The following FSTL5 variants were observed in gnomAD, a reference collection of about 807,000 sequenced individuals.
FSTL5 encodes follistatin-related protein 5.
Under a neutral mutation model 89.1 loss-of-function variants are expected in FSTL5, and 62 were observed. The ratio of observed to expected loss-of-function variants is 0.70; its 90% CI spans 0.57 to 0.86. The LOEUF is 0.86. Ranked by LOEUF, FSTL5 falls within the 40% of genes least tolerant of loss-of-function variation. The pLI, the probability that FSTL5 is intolerant of heterozygous loss-of-function variation, is 0.00. For missense variants in FSTL5, 1,057 were observed against 1,001.6 expected (o/e 1.06, Z -0.75); for synonymous variants, 383 against 346.2 (o/e 1.11, Z -1.18).
intron 4 of FSTL5, among the ~76,000 whole-genome samples, chr4:161,909,772 G>T (rs1733638979): frequency 1.3e-5 from 2 of 151,994 alleles, no homozygotes; most frequent in African/African-American, 2.4e-5. Flanking sequence ...TTGTGTATTG[G>T]GTCTCATCCT....
intron 4 of FSTL5, among the ~76,000 whole-genome samples, chr4:161,900,257 C>T (rs1226056387): frequency 1.3e-5 from 2 of 151,914 alleles, no homozygotes; most frequent in African/African-American, 4.8e-5. Flanking sequence ...GCATGTAATG[C>T]TGGAGACAAA....
chr4:161,975,941 C>T (rs1735630103), intron 3 of FSTL5, among the ~76,000 whole-genome samples: 1 of 147,910 alleles, frequency 6.8e-6, no homozygotes. Flanking sequence ...CCATGAAACC[C>T]CGTCTCTACT....
chr4:161,423,196 T>C (rs78611302), intron 15 of FSTL5, among the ~76,000 whole-genome samples: 2,408 of 152,298 alleles, frequency 0.016, 59 homozygotes, highest in African/African-American at 0.054. Context: ...GAAAGTTCTT[T>C]CCAAGTTCAT....
chr4:161,586,255 T>C (rs1173612068), intron 8 of FSTL5, among the ~76,000 whole-genome samples: 2 of 152,216 alleles, frequency 1.3e-5, no homozygotes, highest in African/African-American at 4.8e-5. Context: ...TGTATACATA[T>C]TGATATTATC....
At chr4:161,911,773 C>T (rs1733700232) in intron 4 of FSTL5, among the ~76,000 whole-genome samples, 1 of 152,082 alleles carries the variant, frequency 6.6e-6, no homozygotes, top group African/African-American at 2.4e-5. Context: ...GTTTTGAATA[C>T]TTTTTTAAAC....
chr4:161,754,565 T>A (rs971860283), intron 6 of FSTL5, among the ~76,000 whole-genome samples: 5 of 152,112 alleles, frequency 3.3e-5, no homozygotes, highest in African/African-American at 1.2e-4. Context: ...ACTCAGGAAA[T>A]GAAGTACATA....
chr4:161,564,292 A>AAATAATAATAG (rs1732722679), intron 8 of FSTL5, among the ~76,000 whole-genome samples: 1 of 150,936 alleles, frequency 6.6e-6, no homozygotes, highest in Non-Finnish European at 1.5e-5. Context: ...CCAGTATATG[A>AAATAATAATAG]CCTGATCCTA....
intron 4 of FSTL5, among the ~76,000 whole-genome samples, chr4:161,782,223 T>C (rs1353519844): frequency 6.6e-6 from 1 of 152,200 alleles, no homozygotes; most frequent in East Asian, 1.9e-4. Flanking sequence ...TTTCTGTGTA[T>C]GGATTTAAGT....
At chr4:161,555,415 G>A (rs1256678090) in intron 8 of FSTL5, among the ~76,000 whole-genome samples, 1 of 151,336 alleles carries the variant, frequency 6.6e-6, no homozygotes, top group African/African-American at 2.4e-5. Context: ...AGAAAAGAAA[G>A]AATAAATGAG....
intron 4 of FSTL5, among the ~76,000 whole-genome samples, chr4:161,786,242 A>ATG (rs1374004552): frequency 2.0e-5 from 3 of 152,068 alleles, no homozygotes; most frequent in Non-Finnish European, 4.4e-5. Context: ...AGATGCTTTT[A>ATG]TGTAGGCTCA....
chr4:161,434,391 T>A (rs979329496), intron 15 of FSTL5, among the ~76,000 whole-genome samples: 1 of 152,114 alleles, frequency 6.6e-6, no homozygotes, highest in Non-Finnish European at 1.5e-5. Context: ...TCTCTTGCCA[T>A]ACACAAAAAT....
intron 6 of FSTL5, among the ~76,000 whole-genome samples, chr4:161,748,317 C>A (rs1579065094): frequency 6.6e-6 from 1 of 152,092 alleles, no homozygotes; most frequent in Non-Finnish European, 1.5e-5. Context: ...GTATTTTGCA[C>A]ATACCTTTTT....
chr4:161,458,325 A>G (rs755088562), intron 14 of FSTL5, among the ~76,000 whole-genome samples: 6 of 152,224 alleles, frequency 3.9e-5, no homozygotes, highest in Non-Finnish European at 5.9e-5. Flanking sequence ...CAATGTTTCA[A>G]ATGACACATA....
chr4:161,668,165 C>T (rs147263872), intron 6 of FSTL5, among the ~76,000 whole-genome samples: 8 of 152,136 alleles, frequency 5.3e-5, no homozygotes, highest in Admixed American at 3.3e-4. Context: ...GGCAAAATTA[C>T]CAATATCAGA....
intron 4 of FSTL5, among the ~76,000 whole-genome samples, chr4:161,823,637 A>T (rs1008580965): frequency 6.6e-6 from 1 of 152,150 alleles, no homozygotes; most frequent in African/African-American, 2.4e-5. Context: ...GTGTGGCTGC[A>T]ACTGTGCTGA....
At chr4:161,895,919 T>C (rs1321962900) in intron 4 of FSTL5, among the ~76,000 whole-genome samples, 1 of 152,154 alleles carries the variant, frequency 6.6e-6, no homozygotes, top group Non-Finnish European at 1.5e-5. Context: ...GGGGGGCATA[T>C]CTACTGCTTT....
chr4:161,570,920 C>G (rs1732985051), intron 8 of FSTL5, among the ~76,000 whole-genome samples: 1 of 152,034 alleles, frequency 6.6e-6, no homozygotes, highest in South Asian at 2.1e-4. Context: ...TCGAGACCAT[C>G]CTGGCCAACA....
chr4:161,575,151 G>C (rs908762705), intron 8 of FSTL5, among the ~76,000 whole-genome samples: 1 of 152,132 alleles, frequency 6.6e-6, no homozygotes, highest in African/African-American at 2.4e-5. Context: ...GCCTTCTTTT[G>C]TGAGGTGTCT....
chr4:161,749,353 A>C (rs1044535860), intron 6 of FSTL5, among the ~76,000 whole-genome samples: 2 of 152,328 alleles, frequency 1.3e-5, no homozygotes, highest in Middle Eastern at 3.4e-3. Context: ...GCAGTATTTC[A>C]TAAAAATGAA....
Sources: gnomAD v4.1 joint callset for allele counts (sites outside exome capture counted in the v4.1 genomes callset) on GRCh38, gnomAD v4.1.1 for gene constraint, MANE v1.5 for transcripts, NCBI Gene and HGNC (gene_info 2026-07-23, HGNC 2026-07-21) for gene names.